Variants in ACTR3C observed in about 807,000 individuals in gnomAD.
ACTR3C encodes the protein actin-related protein 3C.
ACTR3C carries 18 observed loss-of-function variants against 26.3 expected under a neutral mutation model. The ratio of observed to expected loss-of-function variants is 0.68; its 90% CI spans 0.47 to 1.01. The LOEUF (loss-of-function observed/expected upper bound fraction) is 1.01, where lower values mean the gene tolerates loss of function less well. Ranked by LOEUF, ACTR3C falls within the 50% of genes least tolerant of loss-of-function variation. ACTR3C has a pLI of 0.00. For synonymous variants in ACTR3C, 55 were observed against 94.5 expected (o/e 0.58, Z 2.42); for missense variants, 184 against 250.7 (o/e 0.73, Z 1.80).
chr7:150,172,906 T>C, the ACTR3C span, among the ~76,000 whole-genome samples: 1 of 150,354 alleles, frequency 6.7e-6, no homozygotes, highest in Admixed American at 6.6e-5. Flanking sequence ...ACTCCCTGTC[T>C]CACATCCAGG....
chr7:150,283,789 A>G (rs1193776376), intron 6 of ACTR3C, among the ~76,000 whole-genome samples: 2 of 150,778 alleles, frequency 1.3e-5, no homozygotes, highest in Non-Finnish European at 2.9e-5. Context: ...TGTACAATTC[A>G]GCGACCTGAG....
chr7:150,273,317 G>C (rs1192825896), intron 6 of ACTR3C, among the ~76,000 whole-genome samples: 1 of 140,522 alleles, frequency 7.1e-6, no homozygotes, highest in Non-Finnish European at 1.5e-5. Context: ...TCCCTTTGTC[G>C]CTAAGGCTGG....
downstream of ACTR3C, chr7:150,245,502 T>G (rs1438777216): frequency 1.3e-5 from 2 of 152,214 alleles, no homozygotes; most frequent in Non-Finnish European, 2.9e-5. Flanking sequence ...CTCAGGGGAT[T>G]TTGCTCCACC....
chr7:150,124,485 G>A, the ACTR3C span, among the ~76,000 whole-genome samples: 131 of 152,286 alleles, frequency 8.6e-4, no homozygotes, highest in African/African-American at 2.7e-3. Context: ...ACTGTTGTCT[G>A]TTAGATAAAT....
At chr7:150,227,422 C>T in the ACTR3C span, among the ~76,000 whole-genome samples, 38 of 151,160 alleles carry the variant, frequency 2.5e-4, no homozygotes, top group East Asian at 4.3e-3. Context: ...GCTTATTTCA[C>T]TTAGCATAAT....
the ACTR3C span, among the ~76,000 whole-genome samples, chr7:150,003,715 T>C: frequency 6.6e-6 from 1 of 152,022 alleles, no homozygotes; most frequent in Non-Finnish European, 1.5e-5. Context: ...GTATGTGTGG[T>C]GTCTGGTGTG....
the ACTR3C span, among the ~76,000 whole-genome samples, chr7:150,151,890 A>G: frequency 1.4e-5 from 2 of 138,338 alleles, no homozygotes; most frequent in Non-Finnish European, 3.2e-5. Context: ...AATAATAAAA[A>G]AAATTTCCTC....
the ACTR3C span, among the ~76,000 whole-genome samples, chr7:150,169,670 G>A: frequency 1.3e-5 from 2 of 150,738 alleles, no homozygotes; most frequent in African/African-American, 2.5e-5. Context: ...TGAGGATGAA[G>A]CCAATATTGA....
chr7:150,090,016 A>T, the ACTR3C span, among the ~76,000 whole-genome samples: 4 of 152,250 alleles, frequency 2.6e-5, no homozygotes, highest in South Asian at 8.3e-4. Flanking sequence ...TTAAAAAGGG[A>T]AGCATTCTGT....
the ACTR3C span, among the ~76,000 whole-genome samples, chr7:150,033,611 G>A: frequency 4.5e-5 from 6 of 132,992 alleles, no homozygotes; most frequent in African/African-American, 1.1e-4. Context: ...GCCTCCCCCC[G>A]CTGCAATGGG....
chr7:150,041,785 C>A, the ACTR3C span, among the ~76,000 whole-genome samples: 2 of 131,006 alleles, frequency 1.5e-5, no homozygotes, highest in Non-Finnish European at 3.3e-5. Flanking sequence ...CAGTCCCTGC[C>A]TCGCGGGGGG....
At chr7:150,192,761 T>C in the ACTR3C span, among the ~76,000 whole-genome samples, 7 of 152,252 alleles carry the variant, frequency 4.6e-5, no homozygotes, top group African/African-American at 7.2e-5. Context: ...GATGGTCTTA[T>C]GATTCATGGT....
the ACTR3C span, among the ~76,000 whole-genome samples, chr7:149,895,245 C>T: frequency 3.3e-5 from 5 of 151,064 alleles, no homozygotes; most frequent in African/African-American, 4.9e-5. Flanking sequence ...TGAGGCTGTT[C>T]GGGGATGGGA....
the ACTR3C span, among the ~76,000 whole-genome samples, chr7:150,236,181 G>A: frequency 3.3e-5 from 5 of 152,208 alleles, no homozygotes; most frequent in East Asian, 5.8e-4. Flanking sequence ...GGAGAAGCAC[G>A]AATTGAATTT....
At chr7:150,204,154 T>C in the ACTR3C span, among the ~76,000 whole-genome samples, 4 of 148,866 alleles carry the variant, frequency 2.7e-5, no homozygotes, top group African/African-American at 7.7e-5. Context: ...CACAGAGCCA[T>C]TCGGTGTCAC....
At chr7:150,085,958 A>ATT in the ACTR3C span, among the ~76,000 whole-genome samples, 5 of 148,562 alleles carry the variant, frequency 3.4e-5, no homozygotes, top group African/African-American at 1.2e-4. Flanking sequence ...CTAGCCCATG[A>ATT]TTTTTTTTTT....
chr7:150,082,562 A>C, the ACTR3C span, among the ~76,000 whole-genome samples: 1 of 152,160 alleles, frequency 6.6e-6, no homozygotes, highest in African/African-American at 2.4e-5. Flanking sequence ...TGGGGGTTGC[A>C]AATCACCCTG....
chr7:149,926,821 A>G, the ACTR3C span, among the ~76,000 whole-genome samples: 1 of 152,126 alleles, frequency 6.6e-6, no homozygotes, highest in Non-Finnish European at 1.5e-5. Flanking sequence ...TGAAGAAGCA[A>G]AAGACCAAAA....
chr7:150,168,169 G>A, the ACTR3C span, among the ~76,000 whole-genome samples: 1 of 150,728 alleles, frequency 6.6e-6, no homozygotes, highest in Non-Finnish European at 1.5e-5. Flanking sequence ...CTTGTCTAGG[G>A]CTGCACACCT....
Sources: gnomAD v4.1 joint callset for allele counts (sites outside exome capture counted in the v4.1 genomes callset) on GRCh38, gnomAD v4.1.1 for gene constraint, MANE v1.5 for transcripts, NCBI Gene and HGNC (gene_info 2026-07-23, HGNC 2026-07-21) for gene names.